PKP4: variants seen among roughly 807,000 people sequenced by gnomAD.
PKP4 encodes the protein plakophilin 4.
A neutral mutation model predicts 145.1 loss-of-function variants in PKP4; 90 were observed. The ratio of observed to expected loss-of-function variants is 0.62; its 90% CI spans 0.52 to 0.74. PKP4 has a LOEUF of 0.74. PKP4 is among the 30% of genes least tolerant of loss of function. The probability of loss-of-function intolerance (pLI) is 0.00; values close to 1 mark genes in which losing one functional copy is unlikely to be tolerated. For synonymous variants in PKP4, 563 were observed against 577.2 expected, an observed-to-expected ratio of 0.98 and a Z score of 0.35; for missense variants, 1,340 against 1,482.7, an observed-to-expected ratio of 0.90 and a Z score of 1.58.
intron 1 of PKP4, among the ~76,000 whole-genome samples, chr2:158,502,147 A>T (rs1051277924): frequency 3.9e-5 from 6 of 152,170 alleles, no homozygotes; most frequent in Admixed American, 3.3e-4. Flanking sequence ...TTGGATTTTT[A>T]AAAAATCATG....
At position 158,658,277 on chromosome 2, in the gene PKP4, A is replaced by C. The variant is rs370015294; in HGVS notation, c.2056A>C (p.Thr686Pro). Reference sequence around the variant, plus strand: ...TGATGATCATAAAATTAAATTTCAGACTTCACTAGTTCTGCGTAACACGAC... The same window carrying C: ...TGATGATCATAAAATTAAATTTCAGCCTTCACTAGTTCTGCGTAACACGAC... ...FDDDHKIKFQ[T>P]SLVLRNTTGC... The change falls in exon 12 of 22, where the codon ACT becomes CCT. Residue 686 changes from threonine to proline, a missense_variant. Coordinates refer to ENST00000389759, the MANE Select transcript of PKP4 (RefSeq NM_003628.6). The C allele has an allele frequency of 6.2e-6, 10 of 1,607,526 alleles. No individual in the cohort carries two copies. The Admixed American group carries it at 1.0e-4, about 16-fold the overall frequency.
chr2:158,457,423 C>A (rs939666755), intron 1 of PKP4: 14 of 152,420 alleles, frequency 9.2e-5, no homozygotes, highest in African/African-American at 2.9e-4. Context: ...TGCTCCCCTC[C>A]CCCCGGCAGG....
At chr2:158,512,004 T>C (rs1182644084) in intron 1 of PKP4, among the ~76,000 whole-genome samples, 3 of 152,238 alleles carry the variant, frequency 2.0e-5, no homozygotes, top group African/African-American at 7.2e-5. Context: ...GTATATCTTG[T>C]CTAGAGAGTA....
At chr2:158,616,930 C>T (rs569108684) in intron 4 of PKP4, among the ~76,000 whole-genome samples, 1 of 152,280 alleles carries the variant, frequency 6.6e-6, no homozygotes, top group African/African-American at 2.4e-5. Context: ...CATGCACACA[C>T]TGTATATTTG....
intron 1 of PKP4, among the ~76,000 whole-genome samples, chr2:158,496,790 G>GTGTCTGTGTC (rs1553545781): frequency 1.5e-3 from 220 of 150,054 alleles, no homozygotes; most frequent in East Asian, 3.1e-3. Context: ...GTGTGTGTGT[G>GTGTCTGTGTC]TGTGTCTGTG....
In PKP4 at chr2:158,657,160, A is replaced by G. The variant is rs187249714; in HGVS notation, c.1910-971A>G. ...GGGGACTTGAATGCAGAGAAAAACCAGCTGCACCATCTCTTCTCCACCTAC... is the reference window on the plus strand; with the variant it reads ...GGGGACTTGAATGCAGAGAAAAACCGGCTGCACCATCTCTTCTCCACCTAC... On this transcript the variant is annotated intron_variant, in intron 11 of 21. Transcript: ENST00000389759. Among the ~76,000 whole-genome samples, 26 of 152,334 alleles carry G rather than the reference A, an allele frequency of 1.7e-4. 1 individual carries two copies. The East Asian group carries it at 4.4e-3, about 26-fold the overall frequency.
chr2:158,658,078 T>G, intron 11 of PKP4, 53 bp from the exon 12 acceptor site: 1 of 1,033,708 alleles, frequency 9.7e-7, no homozygotes, highest in Admixed American at 2.2e-5. Flanking sequence ...TTTATTTTAT[T>G]TCTAAAGCCA....
rs546401237 is a variant in PKP4, at chr2:158,597,655, TA to T, written c.246-5411del. Among the ~76,000 whole-genome samples the T allele has an allele frequency of 1.0e-3, 154 of 152,332 alleles. 1 individual carries two copies. The highest frequency in any genetic ancestry group is 3.6e-3 in the African/African-American group (149 of 41,578). On this transcript the variant is annotated intron_variant, in intron 3 of 21. Coordinates refer to ENST00000389759, the MANE Select transcript of PKP4 (RefSeq NM_003628.6). ...GACACACCCATGCTCCATTCATAAATAAAACAATTTCTAGGATAATTTGAGT... is the reference window on the plus strand; with the variant it reads ...GACACACCCATGCTCCATTCATAAATAAACAATTTCTAGGATAATTTGAGT...
chr2:158,596,635 A>C (rs1437786987), intron 3 of PKP4, among the ~76,000 whole-genome samples: 1 of 151,840 alleles, frequency 6.6e-6, no homozygotes, highest in East Asian at 1.9e-4. Flanking sequence ...TTTAAAAAAA[A>C]AAAAAGAAAA....
At position 158,678,599 on chromosome 2, in the gene PKP4, C is replaced by T; in HGVS notation, c.3275C>T (p.Pro1092Leu). ...GLYPGSSKPS[P>L]IYISSYSSPA... ...CTTACAGGCTCCAGCAAACCTTCAC[C>T]AATTTACATCAGTTCCTATTCCTCA... is the stretch of plus-strand genomic sequence containing the variant. The change falls in exon 21 of 22, where the codon CCA becomes CTA. Residue 1092 changes from proline to leucine, a missense_variant. Pro to Leu is a moderately conservative substitution (Grantham distance 98, BLOSUM62 -3). Coordinates refer to ENST00000389759, the MANE Select transcript of PKP4 (RefSeq NM_003628.6). 6.2e-7 allele frequency: 1 copy of T among 1,609,844 alleles called. No individual in the cohort carries two copies. The highest frequency in any genetic ancestry group is 2.2e-5 in the East Asian group (1 of 44,854).
chr2:158,481,199 C>G (rs1474858463), intron 1 of PKP4, among the ~76,000 whole-genome samples: 2 of 152,182 alleles, frequency 1.3e-5, no homozygotes, highest in South Asian at 4.1e-4. Flanking sequence ...GCTGTGATTA[C>G]AGGTGTGAGC....
chr2:158,520,322 T>A (rs1263024197), intron 1 of PKP4, among the ~76,000 whole-genome samples: 7 of 152,184 alleles, frequency 4.6e-5, no homozygotes, highest in Non-Finnish European at 8.8e-5. Context: ...GCTGAGGGTA[T>A]TATATTTTGC....
intron 2 of PKP4, among the ~76,000 whole-genome samples, chr2:158,546,791 A>C (rs910940590): frequency 3.3e-5 from 5 of 152,188 alleles, no homozygotes; most frequent in African/African-American, 1.2e-4. Context: ...AGAAATGCTG[A>C]AATCTCAAAG....
At chr2:158,505,719 G>T (rs952301281) in intron 1 of PKP4, among the ~76,000 whole-genome samples, 2 of 152,062 alleles carry the variant, frequency 1.3e-5, no homozygotes, top group Admixed American at 6.5e-5. Context: ...GTCAAGAAAG[G>T]CTTCTTAGGT....
At chr2:158,577,137 C>G in intron 2 of PKP4, 134 bp from the exon 3 acceptor site, 1 of 510,934 alleles carries the variant, frequency 2.0e-6, no homozygotes, top group Non-Finnish European at 3.5e-6. Flanking sequence ...CCAAAAATTG[C>G]ATTTCACAAA....
intron 1 of PKP4, among the ~76,000 whole-genome samples, chr2:158,481,111 A>G (rs1229574625): frequency 2.0e-5 from 3 of 152,186 alleles, no homozygotes; most frequent in Non-Finnish European, 4.4e-5. Flanking sequence ...AAATATTGAA[A>G]TGAGGTCTCA....
rs11539803 is a variant in PKP4, at chr2:158,661,419, C to T, written c.2180C>T (p.Thr727Met). 3,293 of 1,612,856 alleles carry T rather than the reference C, an allele frequency of 2.0e-3. 14 individuals carry two copies. Among genetic ancestry groups the T allele is most frequent in the South Asian group, 7.1e-3 (642 of 91,050 alleles). The change falls in exon 13 of 22, where the codon ACG becomes ATG. Residue 727 changes from threonine (T) to methionine (M), a missense_variant. Coordinates refer to ENST00000389759, the MANE Select transcript of PKP4 (RefSeq NM_003628.6). ...LVDSLLYVIH[T>M]CVNTSDYDSK... ...GACTCACTGTTGTATGTGATCCACA[C>T]GTGTGTGAACACATCCGATTACGAC... is the stretch of plus-strand genomic sequence containing the variant.
At chr2:158,624,674 CA>C (rs999943180) in intron 6 of PKP4, among the ~76,000 whole-genome samples, 336 of 81,198 alleles carry the variant, frequency 4.1e-3, no homozygotes, top group Middle Eastern at 0.025. Context: ...TTTAAACCAC[CA>C]AAAAAAAAAA....
At chr2:158,612,372 G>A (rs571412087) in intron 4 of PKP4, among the ~76,000 whole-genome samples, 14 of 152,166 alleles carry the variant, frequency 9.2e-5, no homozygotes, top group Admixed American at 2.6e-4. Flanking sequence ...AGTATTCATC[G>A]TTTGAAAATT....
Sources: gnomAD v4.1 joint callset for allele counts (sites outside exome capture counted in the v4.1 genomes callset) on GRCh38, gnomAD v4.1.1 for gene constraint, MANE v1.5 for transcripts, NCBI Gene and HGNC (gene_info 2026-07-23, HGNC 2026-07-21) for gene names.